The following TRAPPC9 variants were observed in gnomAD, a reference collection of about 807,000 sequenced individuals.
TRAPPC9 encodes the protein IKK2 binding protein.
TRAPPC9 carries 83 observed loss-of-function variants against 124.0 expected under a neutral mutation model. That is an observed-to-expected ratio of 0.67 (90% CI 0.56 to 0.80). The LOEUF is 0.80. Ranked by LOEUF, TRAPPC9 falls within the 30% of genes least tolerant of loss-of-function variation. TRAPPC9 has a pLI of 0.00. For synonymous variants in TRAPPC9, 638 were observed against 617.5 expected, an observed-to-expected ratio of 1.03 and a Z score of -0.49; for missense variants, 1,302 against 1,508.3, an observed-to-expected ratio of 0.86 and a Z score of 2.27.
intron 14 of TRAPPC9, among the ~76,000 whole-genome samples, chr8:140,277,713 A>G (rs944970798): frequency 1.3e-5 from 2 of 152,164 alleles, no homozygotes; most frequent in African/African-American, 4.8e-5. Flanking sequence ...CACTAAAGAG[A>G]TGGCAGCAGG....
intron 20 of TRAPPC9, among the ~76,000 whole-genome samples, chr8:139,909,514 T>C (rs1831574426): frequency 6.6e-6 from 1 of 152,324 alleles, no homozygotes; most frequent in South Asian, 2.1e-4. Flanking sequence ...GCCTCTTAAA[T>C]GCCTTGCAAA....
intron 5 of TRAPPC9, among the ~76,000 whole-genome samples, chr8:140,408,239 G>C (rs998571033): frequency 6.6e-6 from 1 of 152,128 alleles, no homozygotes; most frequent in Non-Finnish European, 1.5e-5. Flanking sequence ...CTAAGACCCA[G>C]ATGGGAGGAG....
intron 16 of TRAPPC9, among the ~76,000 whole-genome samples, chr8:140,234,212 T>C (rs79352999): frequency 0.021 from 3,198 of 152,248 alleles, 62 homozygotes; most frequent in Non-Finnish European, 0.034. Flanking sequence ...GCATCTAGGT[T>C]GCACGCTCTT....
At chr8:140,350,261 C>CGCCTGTATTCAGT (rs2067516636) in intron 9 of TRAPPC9, among the ~76,000 whole-genome samples, 1 of 152,170 alleles carries the variant, frequency 6.6e-6, no homozygotes, top group African/African-American at 2.4e-5. Context: ...CTGTATTCAG[C>CGCCTGTATTCAGT]GACGTCTGCT....
intron 19 of TRAPPC9, among the ~76,000 whole-genome samples, chr8:139,956,143 A>T (rs181970387): frequency 1.3e-5 from 2 of 150,508 alleles, no homozygotes; most frequent in South Asian, 4.2e-4. Flanking sequence ...TTCACCCTAC[A>T]TGGGATGTTG....
intron 21 of TRAPPC9, among the ~76,000 whole-genome samples, chr8:139,762,755 T>C (rs1820325232): frequency 6.6e-6 from 1 of 152,056 alleles, no homozygotes; most frequent in African/African-American, 2.4e-5. Context: ...ATGGCCAAGG[T>C]GCGGAGGGCA....
chr8:139,906,254 C>T (rs1408318145), intron 20 of TRAPPC9, among the ~76,000 whole-genome samples: 1 of 152,254 alleles, frequency 6.6e-6, no homozygotes, highest in Non-Finnish European at 1.5e-5. Flanking sequence ...ACCCTGTCCA[C>T]AGCAGGGACA....
chr8:140,065,648 C>T (rs1316090239), intron 17 of TRAPPC9, among the ~76,000 whole-genome samples: 2 of 152,194 alleles, frequency 1.3e-5, no homozygotes, highest in African/African-American at 2.4e-5. Context: ...AATAACAAAG[C>T]CTGGATGACA....
chr8:139,759,176 C>G (rs1370980536), intron 21 of TRAPPC9, among the ~76,000 whole-genome samples: 2 of 152,204 alleles, frequency 1.3e-5, no homozygotes, highest in Non-Finnish European at 2.9e-5. Context: ...AAGTTAGCAA[C>G]TTGCCCAGGC....
chr8:139,873,327 A>G (rs1289668466), intron 21 of TRAPPC9, among the ~76,000 whole-genome samples: 2 of 152,170 alleles, frequency 1.3e-5, no homozygotes, highest in Non-Finnish European at 2.9e-5. Context: ...TGATCATATT[A>G]TTCATCATAA....
chr8:140,284,493 G>A (rs2131719534), intron 13 of TRAPPC9, among the ~76,000 whole-genome samples: 1 of 152,272 alleles, frequency 6.6e-6, no homozygotes, highest in South Asian at 2.1e-4. Context: ...AGCTGCTGCT[G>A]ATATGGCAGA....
intron 9 of TRAPPC9, among the ~76,000 whole-genome samples, chr8:140,332,640 T>A (rs1563952021): frequency 6.6e-6 from 1 of 152,040 alleles, no homozygotes; most frequent in Non-Finnish European, 1.5e-5. Flanking sequence ...TTTAAAGTTT[T>A]AAAAAAATAA....
chr8:140,226,223 C>T (rs989423137), intron 16 of TRAPPC9, among the ~76,000 whole-genome samples: 12 of 152,104 alleles, frequency 7.9e-5, no homozygotes, highest in Non-Finnish European at 1.6e-4. Flanking sequence ...ACATGAAAAG[C>T]CCTCCTTTGA....
intron 21 of TRAPPC9, among the ~76,000 whole-genome samples, chr8:139,866,964 A>G (rs1828583703): frequency 6.6e-6 from 1 of 152,118 alleles, no homozygotes; most frequent in Admixed American, 6.5e-5. Context: ...CCTCCTGAGT[A>G]GCTGGGATTA....
chr8:140,287,885 C>T, intron 12 of TRAPPC9, 151 bp from the exon 13 acceptor site: 1 of 1,110,924 alleles, frequency 9.0e-7, no homozygotes. Flanking sequence ...AGACAGTGTA[C>T]AGTGTAACAC....
chr8:140,101,532 C>CT (rs1234280796), intron 17 of TRAPPC9, among the ~76,000 whole-genome samples: 21,106 of 76,730 alleles, frequency 0.28, 4,797 homozygotes, highest in East Asian at 0.47. Context: ...GTAGGGTTTT[C>CT]TTTTTTTTGT....
At chr8:140,128,940 G>A (rs2130687738) in intron 17 of TRAPPC9, among the ~76,000 whole-genome samples, 1 of 149,816 alleles carries the variant, frequency 6.7e-6, no homozygotes, top group Middle Eastern at 3.6e-3. Context: ...TGCACGTTGT[G>A]CACATGTACC....
At chr8:140,047,204 C>T (rs554663094) in intron 17 of TRAPPC9, among the ~76,000 whole-genome samples, 3 of 152,352 alleles carry the variant, frequency 2.0e-5, no homozygotes, top group East Asian at 3.9e-4. Flanking sequence ...GTCACCCGCC[C>T]GGGCTGTGCC....
At chr8:139,930,235 C>G (rs752105519) in intron 19 of TRAPPC9, among the ~76,000 whole-genome samples, 1 of 152,172 alleles carries the variant, frequency 6.6e-6, no homozygotes, top group African/African-American at 2.4e-5. Context: ...GCATGTTTAC[C>G]CCTCCATCCC....
Sources: gnomAD v4.1 joint callset for allele counts (sites outside exome capture counted in the v4.1 genomes callset) on GRCh38, gnomAD v4.1.1 for gene constraint, MANE v1.5 for transcripts, NCBI Gene and HGNC (gene_info 2026-07-23, HGNC 2026-07-21) for gene names.